The following EYA4 variants were observed in gnomAD, a reference collection of about 807,000 sequenced individuals.
EYA4 encodes the protein EYA transcriptional coactivator and phosphatase 4.
In EYA4, 31 loss-of-function variants were observed where a neutral mutation model predicts 87.9. That is an observed-to-expected ratio of 0.35 (90% CI 0.27 to 0.48). The LOEUF (loss-of-function observed/expected upper bound fraction) is 0.48. Among genes scored for constraint, EYA4 ranks in the 20% least tolerant of loss-of-function variants. The pLI, the probability that EYA4 is intolerant of heterozygous loss-of-function variation, is 0.99. For missense variants in EYA4, 678 were observed against 761.4 expected (o/e 0.89, Z 1.29); for synonymous variants, 263 against 270.6 (o/e 0.97, Z 0.28).
At chr6:133,456,982 T>C (rs748863418) in intron 6 of EYA4, among the ~76,000 whole-genome samples, 3 of 152,172 alleles carry the variant, frequency 2.0e-5, no homozygotes, top group Non-Finnish European at 4.4e-5. Context: ...CTTCTTCAAC[T>C]TACCCATTTG....
chr6:133,350,599 G>A (rs1239189999), intron 2 of EYA4, among the ~76,000 whole-genome samples: 2 of 152,062 alleles, frequency 1.3e-5, no homozygotes, highest in Admixed American at 6.5e-5. Flanking sequence ...GGACAGAGGG[G>A]CTGGAGTGCA....
Position 133,529,542 on chromosome 6 carries a change from A to G in EYA4, c.*737A>G, listed in dbSNP as rs1800885755. The G allele has an allele frequency of 1.0e-6, 1 of 982,768 alleles. No individual in the cohort carries two copies. 60.9% of individuals were successfully genotyped at this position (982,768 alleles called of 1,614,324 possible). A position where few individuals can be genotyped will look rare whatever the true frequency, so the allele number is the denominator to read the frequency against. On this transcript the variant is annotated 3_prime_UTR_variant, in exon 20 of 20. Transcript: ENST00000355286. The stretch of plus-strand genomic sequence containing the variant: ...ATAATGAAAAAAAACAAAAAAAAAA[A>G]CCTTTGTGATGATTCTTAACATGAC...
At chr6:133,264,423 G>A (rs1776042465) in intron 1 of EYA4, among the ~76,000 whole-genome samples, 1 of 152,264 alleles carries the variant, frequency 6.6e-6, no homozygotes, top group South Asian at 2.1e-4. Context: ...TGGTTGCACT[G>A]TGAACGGTAA....
chr6:133,397,535 T>C (rs1448400957), intron 3 of EYA4, among the ~76,000 whole-genome samples: 1 of 152,246 alleles, frequency 6.6e-6, no homozygotes, highest in Non-Finnish European at 1.5e-5. Flanking sequence ...ATATTGGGAA[T>C]AGTTGGCTTT....
intron 2 of EYA4, among the ~76,000 whole-genome samples, chr6:133,337,720 T>C (rs1482994959): frequency 6.6e-6 from 1 of 152,172 alleles, no homozygotes; most frequent in Non-Finnish European, 1.5e-5. Flanking sequence ...ATAAACTCTT[T>C]TTAATTGCAA....
intron 2 of EYA4, among the ~76,000 whole-genome samples, chr6:133,356,746 AGTGTGTGTGTGTGTGTGT>A (rs58234857): frequency 3.7e-4 from 51 of 136,864 alleles, no homozygotes; most frequent in Middle Eastern, 3.7e-3. Context: ...AGCATTATTC[AGTGTGTGTGTGTGTGTGT>A]GTGTGTGTGT....
In EYA4 at chr6:133,502,043, T is replaced by TTCTC. The variant is rs3836968; in HGVS notation, c.1192-4038_1192-4035dup. On this transcript the variant is annotated intron_variant, in intron 13 of 19. Transcript: ENST00000355286. ...GCTATTTATTTTCTTCATCTTCCTC[T>TTCTC]TCTCTCTCTCTCTCTCTCTCTCTCT... Among the ~76,000 whole-genome samples, 56 of 146,398 alleles carry TTCTC rather than the reference T, an allele frequency of 3.8e-4. 1 individual carries two copies. The highest frequency in any genetic ancestry group is 2.2e-3 in the East Asian group (11 of 4,992).
chr6:133,291,013 G>A (rs1418844010), intron 2 of EYA4, among the ~76,000 whole-genome samples: 1 of 152,134 alleles, frequency 6.6e-6, no homozygotes, highest in Non-Finnish European at 1.5e-5. Flanking sequence ...AAAAACTCAA[G>A]CAAAGGTGTG....
At chr6:133,493,437 A>C (rs772635630) in intron 13 of EYA4, among the ~76,000 whole-genome samples, 2 of 152,184 alleles carry the variant, frequency 1.3e-5, no homozygotes, top group Non-Finnish European at 2.9e-5. Context: ...CACATACAAA[A>C]ATCAAATCAA....
chr6:133,286,158 G>A (rs1778041024), intron 2 of EYA4, among the ~76,000 whole-genome samples: 1 of 152,168 alleles, frequency 6.6e-6, no homozygotes, highest in African/African-American at 2.4e-5. Flanking sequence ...GAAGGAGGAG[G>A]AGGCCTCAGG....
chr6:133,316,675 C>T (rs12525252), intron 2 of EYA4, among the ~76,000 whole-genome samples: 66,365 of 152,024 alleles, frequency 0.44, 15,183 homozygotes, highest in Non-Finnish European at 0.52. Context: ...CTGTGTTTTG[C>T]CTCTCATTCA....
chr6:133,364,246 A>G (rs1298451237), intron 2 of EYA4, among the ~76,000 whole-genome samples: 2 of 152,176 alleles, frequency 1.3e-5, no homozygotes, highest in African/African-American at 2.4e-5. Flanking sequence ...AAAAATGCCA[A>G]CTGGAAGATT....
chr6:133,311,857 A>C (rs941407896), intron 2 of EYA4, among the ~76,000 whole-genome samples: 2 of 151,890 alleles, frequency 1.3e-5, no homozygotes, highest in African/African-American at 4.9e-5. Flanking sequence ...TTAATAAATA[A>C]GAATGAGAGA....
chr6:133,461,711 G>T (rs1351615440), intron 7 of EYA4, among the ~76,000 whole-genome samples: 1 of 151,650 alleles, frequency 6.6e-6, no homozygotes, highest in Non-Finnish European at 1.5e-5. Context: ...ATTTTCTGCA[G>T]CATCTAGAGT....
intron 2 of EYA4, among the ~76,000 whole-genome samples, chr6:133,318,363 T>C (rs1780783452): frequency 1.3e-5 from 2 of 152,186 alleles, no homozygotes; most frequent in South Asian, 4.1e-4. Flanking sequence ...GTTCAGAATT[T>C]GATGTAAACA....
At position 133,359,175 on chromosome 6, in the gene EYA4, A is replaced by G. The variant is rs906415351; in HGVS notation, c.34-23217A>G. On this transcript the variant is annotated intron_variant, in intron 2 of 19. Coordinates refer to ENST00000355286, the MANE Select transcript of EYA4 (RefSeq NM_004100.5). ...TAGCTTAAAACCAGTTGAGATGCAG[A>G]AGACTTTTTTTGTTTCCATGTATAG... is the stretch of plus-strand genomic sequence containing the variant. Among the ~76,000 whole-genome samples the G allele has an allele frequency of 2.6e-5, 4 of 152,318 alleles. No individual in the cohort carries two copies. In the South Asian group the frequency reaches 8.3e-4, roughly 32 times the overall value.
chr6:133,525,451 G>C (rs1031887511), intron 19 of EYA4, among the ~76,000 whole-genome samples, 197 bp downstream of exon 19: 1 of 152,052 alleles, frequency 6.6e-6, no homozygotes, highest in African/African-American at 2.4e-5. Context: ...AATTTGATAG[G>C]AAATGCAGGG....
chr6:133,264,985 C>A (rs2128247771), intron 1 of EYA4, among the ~76,000 whole-genome samples: 1 of 152,272 alleles, frequency 6.6e-6, no homozygotes, highest in South Asian at 2.1e-4. Flanking sequence ...CCTCCTTCAG[C>A]ATCTCATTCC....
intron 2 of EYA4, among the ~76,000 whole-genome samples, chr6:133,322,881 T>C (rs1427036248): frequency 1.3e-5 from 2 of 152,156 alleles, no homozygotes; most frequent in African/African-American, 2.4e-5. Flanking sequence ...TTTCTATGAG[T>C]TGCAAAACTT....
Sources: allele counts gnomAD v4.1 joint callset (sites outside exome capture counted in the v4.1 genomes callset), GRCh38; gene constraint gnomAD v4.1.1; transcripts MANE v1.5; gene names NCBI Gene and HGNC (gene_info 2026-07-23, HGNC 2026-07-21).